The following PCDHA12 variants were observed in gnomAD, a reference collection of about 807,000 sequenced individuals.
PCDHA12 encodes protocadherin alpha-12.
Under a neutral mutation model 60.0 loss-of-function variants are expected in PCDHA12, and 44 were observed. The ratio of observed to expected loss-of-function variants is 0.73; its 90% CI spans 0.58 to 0.94. The LOEUF is 0.94. Ranked by LOEUF, PCDHA12 falls within the 40% of genes least tolerant of loss-of-function variation. The pLI is 0.00. For missense variants in PCDHA12, 1,276 were observed against 1,239.7 expected (o/e 1.03, Z -0.44); for synonymous variants, 569 against 553.0 (o/e 1.03, Z -0.40).
intron 3 of PCDHA12, among the ~76,000 whole-genome samples, chr5:141,002,081 G>T (rs1016567220): frequency 3.3e-5 from 5 of 152,220 alleles, no homozygotes; most frequent in South Asian, 2.1e-4. Flanking sequence ...GCCAAAGAAC[G>T]AGCAGTCCAG....
At chr5:140,967,784 C>T in intron 1 of PCDHA12, 3 of 1,614,174 alleles carry the variant, frequency 1.9e-6, no homozygotes, top group South Asian at 1.1e-5. Context: ...GGCGACTGAC[C>T]GGGGTCCAGT....
intron 1 of PCDHA12, among the ~76,000 whole-genome samples, chr5:140,974,906 T>G (rs1197306976): frequency 6.6e-6 from 1 of 152,182 alleles, no homozygotes; most frequent in Non-Finnish European, 1.5e-5. Flanking sequence ...TTGTAACAAA[T>G]TACCACAAGT....
Position 140,884,512 on chromosome 5 carries a change from G to A in PCDHA12, c.2367+6673G>A, listed in dbSNP as rs782026771. 4.3e-5 allele frequency: 70 copies of A among 1,614,202 alleles called. No individual in the cohort carries two copies. The Middle Eastern group carries it at 4.9e-4, about 11-fold the overall frequency. ...TGTGCTCCAGCGCGGCAGGGAGTTG[G>A]TCGTACTCGCAGCAGAGGCGGCCGA... is the stretch of plus-strand genomic sequence containing the variant. On this transcript the variant is annotated intron_variant, in intron 1 of 3. Transcript: ENST00000398631.
At chr5:140,909,747 G>T (rs1554193902) in intron 1 of PCDHA12, among the ~76,000 whole-genome samples, 1 of 152,146 alleles carries the variant, frequency 6.6e-6, no homozygotes, top group East Asian at 1.9e-4. Context: ...CTGGGGAAAT[G>T]ACCACAGGAT....
In PCDHA12 at chr5:140,876,061, C is replaced by G. The variant is rs782151232; in HGVS notation, c.589C>G (p.Arg197Gly). The change falls in exon 1 of 4, where the codon CGG becomes GGG. Residue 197 changes from arginine (R) to glycine (G), a missense_variant. By Grantham distance (125) the Arg-to-Gly change is moderately radical. Transcript: ENST00000398631. ...AAGTATATTGCCTGAATTAGTTCTT[C>G]GGAAGTTATTGGACAGAGAGCAAAC... The part of the protein sequence containing the change: ...DKSILPELVL[R>G]KLLDREQTPK... The G allele has an allele frequency of 6.2e-7, 1 of 1,613,778 alleles. No individual in the cohort carries two copies. Among genetic ancestry groups the G allele is most frequent in the Non-Finnish European group, 8.5e-7 (1 of 1,179,908 alleles).
intron 1 of PCDHA12, among the ~76,000 whole-genome samples, chr5:140,954,765 C>T (rs1305270750): frequency 6.6e-6 from 1 of 152,064 alleles, no homozygotes; most frequent in Non-Finnish European, 1.5e-5. Context: ...TGCAGAAGCT[C>T]TTTAATTTAA....
chr5:140,883,844 G>A (rs1404353270), intron 1 of PCDHA12: 4 of 1,612,836 alleles, frequency 2.5e-6, no homozygotes, highest in East Asian at 2.2e-5. Context: ...GTTGGACCAC[G>A]AGGAGCTGGA....
intron 1 of PCDHA12, chr5:140,928,231 CA>C: frequency 6.2e-7 from 1 of 1,614,226 alleles, no homozygotes; most frequent in Non-Finnish European, 8.5e-7. Flanking sequence ...AAACTTTCCT[CA>C]ACCCCAGCAG....
chr5:141,004,883 A>T (rs1273215928), intron 3 of PCDHA12, among the ~76,000 whole-genome samples: 4 of 152,132 alleles, frequency 2.6e-5, no homozygotes, highest in Admixed American at 2.0e-4. Flanking sequence ...CTAAAGTGCT[A>T]TTGTGTCAGC....
chr5:140,958,035 T>G (rs1284725890), intron 1 of PCDHA12, among the ~76,000 whole-genome samples: 2 of 152,120 alleles, frequency 1.3e-5, no homozygotes, highest in African/African-American at 4.8e-5. Context: ...ATGCTTTCTT[T>G]GCTTGTGATA....
intron 1 of PCDHA12, 88 bp downstream of exon 1, chr5:140,877,927 A>C: frequency 7.1e-7 from 1 of 1,416,192 alleles, no homozygotes; most frequent in South Asian, 1.6e-5. Flanking sequence ...TTTCTTTATG[A>C]TTCTATCCTT....
chr5:140,951,252 A>G (rs568359458), intron 1 of PCDHA12, among the ~76,000 whole-genome samples: 1 of 151,856 alleles, frequency 6.6e-6, no homozygotes, highest in African/African-American at 2.4e-5. Context: ...AATGCATCAC[A>G]TTTTTCTGGT....
chr5:140,888,628 T>C (rs2061913275), intron 1 of PCDHA12, among the ~76,000 whole-genome samples: 1 of 152,242 alleles, frequency 6.6e-6, no homozygotes, highest in Admixed American at 6.5e-5. Flanking sequence ...TTCGGCCTTC[T>C]ATTACAGCAA....
intron 1 of PCDHA12, among the ~76,000 whole-genome samples, chr5:140,910,150 T>G (rs555048323): frequency 6.6e-6 from 1 of 152,354 alleles, no homozygotes; most frequent in South Asian, 2.1e-4. Flanking sequence ...GGAAATTGAT[T>G]GAGGGGAAAT....
rs1402880820 is a variant in PCDHA12, at chr5:140,877,536, T to A, written c.2064T>A (p.Asp688Glu). ...CGCGGGCCTCAGTGGGCGCTGTGGA[T>A]CCCGAAGCGGCTCTGGTGGATATTA... ...TSSRASVGAV[D>E]PEAALVDINV... The change falls in exon 1 of 4, where the codon GAT (aspartate) becomes GAA (glutamate). Residue 688 changes from aspartate (D) to glutamate (E), a missense_variant. Coordinates refer to ENST00000398631, the MANE Select transcript of PCDHA12 (RefSeq NM_018903.4). 1 of 1,613,730 alleles carries A rather than the reference T, an allele frequency of 6.2e-7. No individual in the cohort carries two copies. The highest frequency in any genetic ancestry group is 8.5e-7 in the Non-Finnish European group (1 of 1,179,882).
intron 1 of PCDHA12, among the ~76,000 whole-genome samples, chr5:140,975,601 G>A (rs943598203): frequency 1.2e-4 from 19 of 152,192 alleles, no homozygotes; most frequent in African/African-American, 4.6e-4. Flanking sequence ...GCAATTTGTT[G>A]ATGTCTTCCA....
chr5:140,977,245 AC>A (rs2096751811), intron 1 of PCDHA12, among the ~76,000 whole-genome samples: 1 of 152,212 alleles, frequency 6.6e-6, no homozygotes, highest in Non-Finnish European at 1.5e-5. Context: ...AAAATTGGCA[AC>A]ATTTCTCAGC....
At chr5:140,978,739 T>C (rs2096820890) in intron 1 of PCDHA12, among the ~76,000 whole-genome samples, 1 of 152,252 alleles carries the variant, frequency 6.6e-6, no homozygotes, top group Non-Finnish European at 1.5e-5. Context: ...TCTTCCAGGG[T>C]ATCTAATCTG....
At chr5:140,926,053 C>T (rs768010675) in intron 1 of PCDHA12, among the ~76,000 whole-genome samples, 10 of 152,230 alleles carry the variant, frequency 6.6e-5, no homozygotes, top group Non-Finnish European at 1.5e-4. Context: ...CCCCAACCTT[C>T]TTCCCCTCCT....
Sources: allele counts gnomAD v4.1 joint callset (sites outside exome capture counted in the v4.1 genomes callset), GRCh38; gene constraint gnomAD v4.1.1; transcripts MANE v1.5; gene names NCBI Gene and HGNC (gene_info 2026-07-23, HGNC 2026-07-21).